Variants in SLC22A23 observed in about 807,000 individuals in gnomAD.
SLC22A23 encodes solute carrier family 22 member 23, also known as ion transporter protein.
In SLC22A23, 26 loss-of-function variants were observed where a neutral mutation model predicts 61.0. That is an observed-to-expected ratio of 0.43 (90% confidence interval 0.31 to 0.59). The LOEUF is 0.59. SLC22A23 is among the 20% of genes least tolerant of loss of function. SLC22A23 has a pLI of 0.11. For missense variants in SLC22A23, 796 were observed against 934.7 expected (o/e 0.85, Z 1.94); for synonymous variants, 430 against 413.9 (o/e 1.04, Z -0.47).
chr6:3,283,720 G>GA, intron 9 of SLC22A23, 132 bp downstream of exon 9: 1 of 1,497,328 alleles, frequency 6.7e-7, no homozygotes, highest in Non-Finnish European at 9.0e-7. Flanking sequence ...CCTCAGCTAT[G>GA]AACCACGAAG....
intron 3 of SLC22A23, among the ~76,000 whole-genome samples, chr6:3,378,871 C>T (rs563959621): frequency 2.6e-5 from 4 of 152,096 alleles, no homozygotes; most frequent in African/African-American, 9.6e-5. Flanking sequence ...GTTGGCCAGG[C>T]TGGTCTTGAA....
At chr6:3,305,155 T>C (rs1761886383) in intron 4 of SLC22A23, among the ~76,000 whole-genome samples, 1 of 152,154 alleles carries the variant, frequency 6.6e-6, no homozygotes, top group Non-Finnish European at 1.5e-5. Context: ...AAGTCCATGA[T>C]ATAGTGGCGC....
At chr6:3,275,258 A>G (rs554623958) in intron 9 of SLC22A23, among the ~76,000 whole-genome samples, 1 of 152,334 alleles carries the variant, frequency 6.6e-6, no homozygotes, top group East Asian at 1.9e-4. Context: ...ACAACAGGAT[A>G]TTCATGTGCA....
In SLC22A23 at chr6:3,283,941, G is replaced by A. The variant is rs752775412; in HGVS notation, c.1614C>T (p.Ile538=). The A allele has an allele frequency of 1.2e-6, 2 of 1,607,954 alleles. No homozygotes were observed. Among genetic ancestry groups the A allele is most frequent in the Admixed American group, 1.7e-5 (1 of 59,908 alleles). The change falls in exon 9 of 10, where the codon ATC becomes ATT. Residue 538 remains isoleucine (I), a synonymous_variant. Transcript: ENST00000406686. ...MSDSVKDKFS[I]AFSIVGMFAS... is the part of the protein sequence containing the mutation. ...CAAACATGCCCACGATGGAAAACGC[G>A]ATGGAAAATTTGTCCTTGACGCTGT...
chr6:3,277,472 C>T (rs1759017834), intron 9 of SLC22A23, among the ~76,000 whole-genome samples: 1 of 152,200 alleles, frequency 6.6e-6, no homozygotes, highest in Non-Finnish European at 1.5e-5. Context: ...TCTAGAGCCA[C>T]TATGTGCGGG....
chr6:3,376,223 A>G (rs1480434629), intron 3 of SLC22A23, among the ~76,000 whole-genome samples: 1 of 152,194 alleles, frequency 6.6e-6, no homozygotes, highest in East Asian at 1.9e-4. Flanking sequence ...TGAAGACTGG[A>G]CACCCAGCTG....
intron 1 of SLC22A23, among the ~76,000 whole-genome samples, chr6:3,426,271 A>T (rs949996022): frequency 6.6e-6 from 1 of 152,222 alleles, no homozygotes; most frequent in African/African-American, 2.4e-5. Flanking sequence ...GCCAAGTCAG[A>T]CTTGAGCAGA....
chr6:3,337,389 G>A (rs1168841078), intron 3 of SLC22A23, among the ~76,000 whole-genome samples: 1 of 152,100 alleles, frequency 6.6e-6, no homozygotes, highest in Non-Finnish European at 1.5e-5. Flanking sequence ...GCCAGGTACT[G>A]GGCACAGTGC....
At chr6:3,281,394 C>T in intron 9 of SLC22A23, among the ~76,000 whole-genome samples, 1 of 152,220 alleles carries the variant, frequency 6.6e-6, no homozygotes, top group Admixed American at 6.5e-5. Context: ...ATCCTTGGGG[C>T]AATAGATTTC....
chr6:3,377,823 C>T (rs1341906785), intron 3 of SLC22A23: 2 of 152,326 alleles, frequency 1.3e-5, no homozygotes, highest in Non-Finnish European at 2.9e-5. Flanking sequence ...GAAGTACTTA[C>T]ACCTCATACA....
rs1763706393 is a variant in SLC22A23 at position 3,333,785 on chromosome 6, C to CA, written c.914-9784dup. Among the ~76,000 whole-genome samples, 1 of 152,232 alleles carries CA rather than the reference C, an allele frequency of 6.6e-6. No homozygotes were observed. Among genetic ancestry groups the CA allele is most frequent in the Non-Finnish European group, 1.5e-5 (1 of 68,050 alleles). On this transcript the variant is annotated intron_variant, in intron 3 of 9. Coordinates refer to ENST00000406686, the MANE Select transcript of SLC22A23 (RefSeq NM_015482.2). The surrounding 1 kb of genome is among the most constrained non-coding windows in gnomAD (Gnocchi z 4.1). ...ACCTGGGGCCACCACCTCAGAAACA[C>CA]AGAGTCGGGGCCCTTCTCAGTCCTA... is the stretch of plus-strand genomic sequence containing the variant.
chr6:3,299,998 C>CCTTTT (rs1761465869), intron 4 of SLC22A23, among the ~76,000 whole-genome samples: 1 of 78,802 alleles, frequency 1.3e-5, no homozygotes, highest in African/African-American at 4.4e-5. Flanking sequence ...TCAGGATAGA[C>CCTTTT]TTTTTTTTTT....
At position 3,387,297 on chromosome 6, in the gene SLC22A23, C is replaced by T. The variant is rs1311345670; in HGVS notation, c.913+22891G>A. Among the ~76,000 whole-genome samples the T allele has an allele frequency of 3.3e-5, 5 of 152,340 alleles. No homozygotes were observed. Among genetic ancestry groups the T allele is most frequent in the East Asian group, 3.9e-4 (2 of 5,186 alleles). ...CGTCAGAGCTCCTGCCTCGATACGA[C>T]GCCATGAGCAGGGTGGTGCTCTTCC... is the stretch of plus-strand genomic sequence containing the variant. On this transcript the variant is annotated intron_variant, in intron 3 of 9. Coordinates refer to ENST00000406686, the MANE Select transcript of SLC22A23 (RefSeq NM_015482.2). This position sits in a 1 kb window ranked among gnomAD's most constrained non-coding sequence, Gnocchi z 5.0.
chr6:3,435,334 C>T (rs13196649), intron 1 of SLC22A23, among the ~76,000 whole-genome samples: 21,152 of 151,638 alleles, frequency 0.14, 1,679 homozygotes, highest in Non-Finnish European at 0.18. Flanking sequence ...CTCCCCACTT[C>T]CCCTCTCTTC....
chr6:3,436,125 C>T (rs1367046064), intron 1 of SLC22A23, among the ~76,000 whole-genome samples: 2 of 152,144 alleles, frequency 1.3e-5, no homozygotes, highest in East Asian at 1.9e-4. Context: ...TGCAGCCCGT[C>T]CTGTCTCTGG....
intron 3 of SLC22A23, among the ~76,000 whole-genome samples, chr6:3,394,151 AT>A (rs1767853881): frequency 2.0e-5 from 3 of 152,174 alleles, no homozygotes. Flanking sequence ...TAGAGTAACA[AT>A]TACAAAGGAA....
chr6:3,420,232 G>GAAAAAAAA (rs34794008), intron 1 of SLC22A23, among the ~76,000 whole-genome samples: 6 of 102,696 alleles, frequency 5.8e-5, no homozygotes, highest in Non-Finnish European at 8.1e-5. Context: ...AGCAAAATGA[G>GAAAAAAAA]AAAAAAAAAA....
rs4959230 is a variant in SLC22A23, at chr6:3,289,749, T to A, written c.1313+15A>T. The A allele has an allele frequency of 6.2e-7, 1 of 1,610,246 alleles. No individual in the cohort carries two copies. The highest frequency in any genetic ancestry group is 8.5e-7 in the Non-Finnish European group (1 of 1,177,322). ...CCCCCTCCCACCCAGCTGGCACTTG[T>A]CCTCTGTGACTCACGAGTTCACACA... On this transcript the variant is annotated intron_variant, in intron 6 of 9. Coordinates refer to ENST00000406686, the MANE Select transcript of SLC22A23 (RefSeq NM_015482.2).
At chr6:3,455,767 A>C in intron 1 of SLC22A23, 139 bp downstream of exon 1, 13 of 1,035,652 alleles carry the variant, frequency 1.3e-5, no homozygotes, top group South Asian at 1.8e-5. Context: ...GGGGGACGGA[A>C]GGAGATTAAG....
Sources: allele counts gnomAD v4.1 joint callset (sites outside exome capture counted in the v4.1 genomes callset), GRCh38; gene constraint gnomAD v4.1.1; non-coding constraint Gnocchi (gnomAD v3.1); transcripts MANE v1.5; gene names NCBI Gene and HGNC (gene_info 2026-07-23, HGNC 2026-07-21).